Variants in CADM2 observed in about 807,000 individuals in gnomAD.
CADM2 encodes immunoglobulin superfamily member 4D.
Under a neutral mutation model 49.8 loss-of-function variants are expected in CADM2, and 12 were observed. The observed-to-expected ratio is 0.24, with a 90% CI of 0.15 to 0.39. CADM2 has a LOEUF of 0.39. Ranked by LOEUF, CADM2 falls within the 10% of genes least tolerant of loss-of-function variation. CADM2 has a pLI of 1.00. For missense variants in CADM2, 378 were observed against 492.3 expected (o/e 0.77, Z 2.20); for synonymous variants, 214 against 175.4 (o/e 1.22, Z -1.74).
At chr3:85,598,858 TA>T (rs1439605452) in intron 1 of CADM2, among the ~76,000 whole-genome samples, 111 of 37,072 alleles carry the variant, frequency 3.0e-3, no homozygotes, top group African/African-American at 4.2e-3. Flanking sequence ...TGTGTGTGTA[TA>T]TATATATATA....
chr3:85,428,929 T>A (rs1208287327), intron 1 of CADM2, among the ~76,000 whole-genome samples: 1 of 151,824 alleles, frequency 6.6e-6, no homozygotes, highest in Non-Finnish European at 1.5e-5. Flanking sequence ...GTGAAAATCA[T>A]TTTCAGGGCC....
intron 1 of CADM2, among the ~76,000 whole-genome samples, chr3:85,355,045 G>A (rs933820287): frequency 1.3e-5 from 2 of 152,012 alleles, no homozygotes; most frequent in East Asian, 3.9e-4. Flanking sequence ...AGAGCGTGTC[G>A]ATGCTCTGAC....
chr3:85,932,626 G>A (rs1469124714), intron 6 of CADM2, among the ~76,000 whole-genome samples: 1 of 152,094 alleles, frequency 6.6e-6, no homozygotes, highest in African/African-American at 2.4e-5. Context: ...TGTGTGGCAG[G>A]GAGGGGGTTG....
chr3:85,397,873 T>G (rs2107424241), intron 1 of CADM2, among the ~76,000 whole-genome samples: 1 of 152,336 alleles, frequency 6.6e-6, no homozygotes, highest in South Asian at 2.1e-4. Context: ...ATGATAAATT[T>G]TTGTGATTTT....
intron 1 of CADM2, among the ~76,000 whole-genome samples, chr3:85,180,514 G>GAAAAAAAAAAA (rs58932967): frequency 1.3e-5 from 1 of 77,294 alleles, no homozygotes; most frequent in Non-Finnish European, 2.8e-5. Context: ...GTCTCAAAAA[G>GAAAAAAAAAAA]AAAAAAAAAA....
intron 1 of CADM2, among the ~76,000 whole-genome samples, chr3:85,317,696 G>A (rs1358683906): frequency 2.6e-5 from 4 of 152,234 alleles, no homozygotes; most frequent in African/African-American, 9.6e-5. Context: ...ATTCATGAGG[G>A]CAGAGCCCTT....
At chr3:85,727,177 C>T (rs1453234273) in intron 2 of CADM2, among the ~76,000 whole-genome samples, 2 of 151,936 alleles carry the variant, frequency 1.3e-5, no homozygotes, top group African/African-American at 2.4e-5. Context: ...TATCATAGAC[C>T]TATCATTTAT....
At chr3:85,483,621 T>C (rs1225499598) in intron 1 of CADM2, among the ~76,000 whole-genome samples, 3 of 150,414 alleles carry the variant, frequency 2.0e-5, no homozygotes, top group Non-Finnish European at 4.5e-5. Context: ...ATAATGAGTA[T>C]AGTATTTATG....
chr3:85,246,093 T>A (rs184035436), intron 1 of CADM2, among the ~76,000 whole-genome samples: 98 of 152,304 alleles, frequency 6.4e-4, no homozygotes, highest in African/African-American at 2.2e-3. Flanking sequence ...CAGTTACTTT[T>A]AAAATTATTC....
chr3:85,624,439 T>G (rs2064064636), intron 1 of CADM2, among the ~76,000 whole-genome samples: 1 of 152,084 alleles, frequency 6.6e-6, no homozygotes, highest in Non-Finnish European at 1.5e-5. Flanking sequence ...TTCAAGCAAT[T>G]ATCCTGCCTC....
intron 1 of CADM2, among the ~76,000 whole-genome samples, chr3:85,149,015 G>A (rs2039837861): frequency 2.0e-5 from 3 of 151,550 alleles, no homozygotes; most frequent in Admixed American, 1.3e-4. Context: ...ATACGTGACT[G>A]TCTTTTAAAT....
intron 1 of CADM2, among the ~76,000 whole-genome samples, chr3:85,144,469 G>A (rs2039672233): frequency 6.6e-6 from 1 of 151,860 alleles, no homozygotes. Context: ...AAAATTAGCT[G>A]GTCTTGGTGG....
At chr3:85,775,555 G>T (rs1444821703) in intron 2 of CADM2, among the ~76,000 whole-genome samples, 1 of 151,748 alleles carries the variant, frequency 6.6e-6, no homozygotes, top group African/African-American at 2.4e-5. Flanking sequence ...ATAATCGTTT[G>T]TACTCAGAAT....
At chr3:85,750,686 G>A (rs1400821823) in intron 2 of CADM2, among the ~76,000 whole-genome samples, 1 of 151,980 alleles carries the variant, frequency 6.6e-6, no homozygotes, top group Non-Finnish European at 1.5e-5. Context: ...TATATCAAGT[G>A]CCATGGTACA....
At chr3:85,576,814 T>G (rs1370016373) in intron 1 of CADM2, among the ~76,000 whole-genome samples, 4 of 152,180 alleles carry the variant, frequency 2.6e-5, no homozygotes, top group Admixed American at 2.6e-4. Flanking sequence ...ACTACAGCTC[T>G]CCGATAACTA....
intron 1 of CADM2, among the ~76,000 whole-genome samples, chr3:85,357,442 T>C (rs1321555293): frequency 6.6e-6 from 1 of 152,126 alleles, no homozygotes; most frequent in Non-Finnish European, 1.5e-5. Flanking sequence ...AGACCATCTC[T>C]CAAAGATCAG....
At chr3:85,815,920 T>C (rs1187989490) in intron 3 of CADM2, among the ~76,000 whole-genome samples, 1 of 152,074 alleles carries the variant, frequency 6.6e-6, no homozygotes. Context: ...AATATTCTAA[T>C]ATTCTTAAAG....
intron 6 of CADM2, 145 bp downstream of exon 6, chr3:85,912,688 T>G: frequency 2.8e-6 from 2 of 724,686 alleles, no homozygotes; most frequent in Non-Finnish European, 4.5e-6. Flanking sequence ...TCACTAGTAT[T>G]AATCAGGTTC....
chr3:85,738,057 T>C (rs1367046856), intron 2 of CADM2, among the ~76,000 whole-genome samples: 2 of 152,156 alleles, frequency 1.3e-5, no homozygotes, highest in African/African-American at 4.8e-5. Flanking sequence ...AATCACCAAA[T>C]AGTTCCTGAA....
Sources: allele counts gnomAD v4.1 joint callset (sites outside exome capture counted in the v4.1 genomes callset), GRCh38; gene constraint gnomAD v4.1.1; transcripts MANE v1.5; gene names NCBI Gene and HGNC (gene_info 2026-07-23, HGNC 2026-07-21).